Variants in NELL1 observed in about 807,000 individuals in gnomAD.
The protein encoded by NELL1 is neural EGFL like 1, also known as protein kinase C-binding protein NELL1.
In NELL1, 76 loss-of-function variants were observed where a neutral mutation model predicts 107.4. That is an observed-to-expected ratio of 0.71 (90% confidence interval 0.59 to 0.86). The LOEUF (loss-of-function observed/expected upper bound fraction) is 0.86. Among genes scored for constraint, NELL1 ranks in the 40% least tolerant of loss-of-function variants. NELL1 has a pLI of 0.00. For missense variants in NELL1, 1,024 were observed against 1,005.5 expected, an observed-to-expected ratio of 1.02 and a Z score of -0.25; for synonymous variants, 353 against 341.2, an observed-to-expected ratio of 1.03 and a Z score of -0.38.
intron 14 of NELL1, among the ~76,000 whole-genome samples, chr11:21,314,369 A>C (rs75851183): frequency 0.023 from 3,576 of 152,224 alleles, 144 homozygotes; most frequent in African/African-American, 0.083. Context: ...GAGCAAGTTT[A>C]TTGATCTTTT....
chr11:21,509,583 T>G (rs1855383271), intron 15 of NELL1, among the ~76,000 whole-genome samples: 1 of 152,190 alleles, frequency 6.6e-6, no homozygotes, highest in Non-Finnish European at 1.5e-5. Context: ...CAAAGTTTTG[T>G]GTGCAGCTTG....
chr11:20,948,396 G>A (rs1851006836), intron 11 of NELL1, among the ~76,000 whole-genome samples: 1 of 151,606 alleles, frequency 6.6e-6, no homozygotes, highest in Admixed American at 6.6e-5. Context: ...TGCATATTTT[G>A]GGTGTACATG....
rs747182471 is a variant in NELL1, at chr11:20,866,150, C to A, written c.506+18397C>A. ...AGGAGGAGTTACCATCTCTGTGATG[C>A]GCAAGGAGCTTGAAGTGGGAATTGG... is the stretch of plus-strand genomic sequence containing the variant. On this transcript the variant is annotated intron_variant, in intron 4 of 19. Coordinates refer to ENST00000357134, the MANE Select transcript of NELL1 (RefSeq NM_006157.5). 7.9e-5 allele frequency among the ~76,000 whole-genome samples: 12 copies of A among 152,290 alleles called. No individual in the cohort carries two copies. The East Asian group carries it at 2.3e-3, about 29-fold the overall frequency.
At chr11:20,779,409 C>T (rs1856813130) in intron 2 of NELL1, among the ~76,000 whole-genome samples, 2 of 152,216 alleles carry the variant, frequency 1.3e-5, no homozygotes, top group Admixed American at 1.3e-4. Context: ...AGGTTTCTAA[C>T]TTGCTCTCTA....
At chr11:21,220,616 T>G (rs962985140) in intron 13 of NELL1, among the ~76,000 whole-genome samples, 2 of 150,152 alleles carry the variant, frequency 1.3e-5, no homozygotes, top group East Asian at 1.9e-4. Flanking sequence ...TTCCTAGGTG[T>G]TTTTTTTGTA....
At chr11:21,485,450 A>T (rs1210764173) in intron 15 of NELL1, among the ~76,000 whole-genome samples, 2 of 150,926 alleles carry the variant, frequency 1.3e-5, no homozygotes, top group Non-Finnish European at 3.0e-5. Context: ...CCAAGTTCAC[A>T]GCCCTTAGAG....
rs988362469 is a variant in NELL1, at chr11:21,525,795, A to C, written c.1646-8579A>C. On this transcript the variant is annotated intron_variant, in intron 15 of 19. Transcript: ENST00000357134. ...CCATTTATAAAAACCATCAGATCTC[A>C]TGAGACTTATTCACTACCACAAGAA... Among the ~76,000 whole-genome samples the C allele has an allele frequency of 5.7e-4, 87 of 152,140 alleles. 1 individual carries two copies. The highest frequency in any genetic ancestry group is 7.4e-4 in the Non-Finnish European group (50 of 68,018).
chr11:21,267,806 G>A (rs114748539), intron 14 of NELL1, among the ~76,000 whole-genome samples: 20 of 152,130 alleles, frequency 1.3e-4, no homozygotes, highest in African/African-American at 4.3e-4. Flanking sequence ...CACCTACTGG[G>A]CATCTTTATG....
chr11:20,691,114 G>A (rs532997999), intron 2 of NELL1, among the ~76,000 whole-genome samples: 4 of 152,048 alleles, frequency 2.6e-5, no homozygotes, highest in African/African-American at 9.6e-5. Context: ...GAATGCTTGT[G>A]ATTTTTGTAC....
At chr11:21,100,811 C>CA (rs1400701678) in intron 12 of NELL1, among the ~76,000 whole-genome samples, 3 of 152,076 alleles carry the variant, frequency 2.0e-5, no homozygotes, top group African/African-American at 7.2e-5. Flanking sequence ...GACAGTATAG[C>CA]AAAGTACAAT....
intron 14 of NELL1, among the ~76,000 whole-genome samples, chr11:21,255,793 T>A (rs1357359388): frequency 6.6e-6 from 1 of 152,066 alleles, no homozygotes; most frequent in East Asian, 1.9e-4. Flanking sequence ...CTATCCAGAT[T>A]CACTTTTTAC....
chr11:21,015,139 C>G (rs539866021), intron 12 of NELL1, among the ~76,000 whole-genome samples: 3 of 152,024 alleles, frequency 2.0e-5, no homozygotes, highest in Admixed American at 2.0e-4. Flanking sequence ...TCCTTTTCCC[C>G]TTATTCTGTG....
chr11:21,090,214 A>G (rs1484359410), intron 12 of NELL1, among the ~76,000 whole-genome samples: 1 of 152,202 alleles, frequency 6.6e-6, no homozygotes, highest in Non-Finnish European at 1.5e-5. Flanking sequence ...AGCTGGGTTT[A>G]TAAAGGCTAG....
At chr11:21,036,653 A>AT (rs1853099699) in intron 12 of NELL1, among the ~76,000 whole-genome samples, 1 of 152,002 alleles carries the variant, frequency 6.6e-6, no homozygotes, top group Non-Finnish European at 1.5e-5. Flanking sequence ...TTGGAAATTT[A>AT]TTTAGATCTC....
At chr11:20,886,372 A>G (rs1160385538) in intron 5 of NELL1, among the ~76,000 whole-genome samples, 1 of 152,196 alleles carries the variant, frequency 6.6e-6, no homozygotes, top group Non-Finnish European at 1.5e-5. Flanking sequence ...CTTTGAAAGA[A>G]TGACACACTT....
intron 3 of NELL1, among the ~76,000 whole-genome samples, chr11:20,825,778 G>A (rs1004750954): frequency 6.6e-6 from 1 of 151,200 alleles, no homozygotes; most frequent in Non-Finnish European, 1.5e-5. Flanking sequence ...TTAAGACTTT[G>A]GGGAACTGTT....
chr11:21,187,865 A>G (rs1052955295), intron 13 of NELL1, among the ~76,000 whole-genome samples: 5 of 151,926 alleles, frequency 3.3e-5, no homozygotes, highest in Non-Finnish European at 5.9e-5. Context: ...TAAACAAATA[A>G]GGATTTTAGG....
intron 12 of NELL1, among the ~76,000 whole-genome samples, chr11:21,033,906 T>C (rs1030780549): frequency 2.6e-5 from 4 of 152,156 alleles, no homozygotes; most frequent in African/African-American, 9.7e-5. Context: ...CATCTGTTGT[T>C]TTTTGGACTT....
intron 3 of NELL1, among the ~76,000 whole-genome samples, chr11:20,796,766 C>CAAG (rs1564912750): frequency 1.3e-5 from 2 of 152,070 alleles, no homozygotes; most frequent in African/African-American, 4.8e-5. Context: ...AGAGTGGAGA[C>CAAG]AGTCAAAGAA....
Sources: allele counts gnomAD v4.1 joint callset (sites outside exome capture counted in the v4.1 genomes callset), GRCh38; gene constraint gnomAD v4.1.1; transcripts MANE v1.5; gene names NCBI Gene and HGNC (gene_info 2026-07-23, HGNC 2026-07-21).